Variants in GPR149 observed in about 807,000 individuals in gnomAD.
The protein encoded by GPR149 is probable G protein-coupled receptor 149.
GPR149 carries 50 observed loss-of-function variants against 50.2 expected under a neutral mutation model. The observed-to-expected ratio is 1.00, with a 90% CI of 0.79 to 1.26. GPR149 has a LOEUF of 1.26. GPR149 is among the 50% of genes most tolerant of loss of function. GPR149 has a pLI of 0.00. For synonymous variants in GPR149, 405 were observed against 358.2 expected, an observed-to-expected ratio of 1.13 and a Z score of -1.48; for missense variants, 983 against 895.4, an observed-to-expected ratio of 1.10 and a Z score of -1.25.
Position 154,338,189 on chromosome 3 carries a change from G to T in GPR149, c.1706C>A (p.Ser569Tyr), listed in dbSNP as rs776946969. 1.3e-5 allele frequency: 21 copies of T among 1,613,988 alleles called. No individual in the cohort carries two copies. The South Asian group carries it at 2.2e-4, about 17-fold the overall frequency. ...SLHAPTGKTL[S>Y]LSTYEVSAEG... is the part of the protein sequence containing the mutation. ...TGCGCTTACCTCATAGGTAGAAAGA[G>T]ATAGGGTTTTCCCTGTAGGTGCATG... is the stretch of plus-strand genomic sequence containing the variant. Residue 569 changes from serine to tyrosine, a missense_variant, in exon 4 of 4, where the codon TCT becomes TAT. Physicochemically the swap from Ser to Tyr is moderately radical, Grantham distance 144. Transcript: ENST00000389740.
intron 3 of GPR149, among the ~76,000 whole-genome samples, chr3:154,418,579 A>G (rs1189287034): frequency 9.2e-6 from 1 of 109,020 alleles, no homozygotes; most frequent in African/African-American, 3.8e-5. Context: ...AAAACCAAAC[A>G]CTGCATATTC....
At chr3:154,379,390 T>C (rs895220976) in intron 3 of GPR149, among the ~76,000 whole-genome samples, 1 of 152,072 alleles carries the variant, frequency 6.6e-6, no homozygotes, top group Non-Finnish European at 1.5e-5. Context: ...CTTTTATAAA[T>C]TAAATGTACT....
intron 3 of GPR149, among the ~76,000 whole-genome samples, chr3:154,387,151 T>C (rs1037811209): frequency 2.0e-5 from 3 of 152,238 alleles, no homozygotes. Flanking sequence ...TTTATGCTTA[T>C]GGGTGTTGAG....
intron 3 of GPR149, among the ~76,000 whole-genome samples, chr3:154,395,290 T>C (rs1715263170): frequency 1.3e-5 from 2 of 151,792 alleles, no homozygotes; most frequent in Admixed American, 6.6e-5. Flanking sequence ...TCAAGTTTTA[T>C]CGTAATTTCT....
chr3:154,406,899 G>A (rs979493492), intron 3 of GPR149, among the ~76,000 whole-genome samples: 2 of 152,174 alleles, frequency 1.3e-5, no homozygotes, highest in African/African-American at 4.8e-5. Context: ...TATAAAGAAA[G>A]AAAAGTTTTA....
intron 3 of GPR149, among the ~76,000 whole-genome samples, chr3:154,409,744 A>G (rs1711785481): frequency 6.6e-6 from 1 of 152,188 alleles, no homozygotes; most frequent in African/African-American, 2.4e-5. Flanking sequence ...TTAAACATCC[A>G]AACCTAAGAA....
chr3:154,339,920 G>A (rs1238004465), intron 3 of GPR149, among the ~76,000 whole-genome samples: 1 of 151,286 alleles, frequency 6.6e-6, no homozygotes, highest in Non-Finnish European at 1.5e-5. Flanking sequence ...CTCCCGAGTA[G>A]CTGGGACTAC....
Position 154,429,664 on chromosome 3 carries a change from T to G in GPR149, c.-49A>C. ...CCCTTATCAATGAGTCTGATAATTTTCTCAAAAGAAAGACCGGCTGCTGCA... is the reference window on the plus strand; with the variant it reads ...CCCTTATCAATGAGTCTGATAATTTGCTCAAAAGAAAGACCGGCTGCTGCA... On this transcript the variant is annotated 5_prime_UTR_variant, in exon 1 of 4. Transcript: ENST00000389740. The G allele has an allele frequency of 6.6e-7, 1 of 1,515,998 alleles. No homozygotes were observed. Among genetic ancestry groups the G allele is most frequent in the African/African-American group, 1.4e-5 (1 of 71,992 alleles). The allele number at this position is 1,515,998 out of a possible 1,614,324, so 93.9% of individuals were successfully genotyped here. A position where few individuals can be genotyped will look rare whatever the true frequency, so the allele number is the denominator to read the frequency against.
Position 154,353,570 on chromosome 3 carries a change from A to G in GPR149, c.1624-15299T>C, listed in dbSNP as rs958972279. Reference sequence around the variant, plus strand: ...CCAAGATGTCAATACCATTTTGCATATGATTAATTTGGCTTTGATATGGTA... The same window carrying G: ...CCAAGATGTCAATACCATTTTGCATGTGATTAATTTGGCTTTGATATGGTA... On this transcript the variant is annotated intron_variant, in intron 3 of 3. Coordinates refer to ENST00000389740, the MANE Select transcript of GPR149 (RefSeq NM_001038705.3). 2.9e-6 allele frequency: 3 copies of G among 1,038,792 alleles called. No individual in the cohort carries two copies. In the African/African-American group the frequency reaches 4.7e-5, roughly 16 times the overall value. The allele number at this position is 1,038,792 out of a possible 1,614,324, so 64.3% of individuals were successfully genotyped here.
At chr3:154,365,629 C>G (rs1346362811) in intron 3 of GPR149, among the ~76,000 whole-genome samples, 2 of 152,212 alleles carry the variant, frequency 1.3e-5, no homozygotes, top group African/African-American at 4.8e-5. Context: ...ATGCACCACC[C>G]TGAACACTTT....
chr3:154,349,758 A>G (rs1714022973), intron 3 of GPR149, among the ~76,000 whole-genome samples: 1 of 152,212 alleles, frequency 6.6e-6, no homozygotes, highest in East Asian at 1.9e-4. Context: ...TTTTACCCTA[A>G]TAATCAAACT....
At chr3:154,339,768 A>G (rs939460928) in intron 3 of GPR149, among the ~76,000 whole-genome samples, 5 of 139,592 alleles carry the variant, frequency 3.6e-5, no homozygotes, top group African/African-American at 1.3e-4. Context: ...GGGTGCCTTC[A>G]TGCTCTACTT....
chr3:154,422,719 A>T (rs1477656867), intron 2 of GPR149, among the ~76,000 whole-genome samples: 1 of 151,748 alleles, frequency 6.6e-6, no homozygotes, highest in Non-Finnish European at 1.5e-5. Context: ...AACAAGAACA[A>T]GTTTGATTCA....
intron 3 of GPR149, among the ~76,000 whole-genome samples, chr3:154,356,834 T>C (rs984566729): frequency 1.7e-4 from 26 of 152,222 alleles, no homozygotes; most frequent in African/African-American, 6.0e-4. Context: ...AAAACTACTT[T>C]AAAGTTCATA....
At chr3:154,400,961 A>C in intron 3 of GPR149, among the ~76,000 whole-genome samples, 1 of 152,250 alleles carries the variant, frequency 6.6e-6, no homozygotes, top group East Asian at 1.9e-4. Context: ...CTAGACTTTT[A>C]CACTAAAATA....
Position 154,337,772 on chromosome 3 carries a change from T to C in GPR149, c.2123A>G (p.Asp708Gly), listed in dbSNP as rs773621202. 7.4e-6 allele frequency: 12 copies of C among 1,613,478 alleles called. No individual in the cohort carries two copies. The South Asian group carries it at 8.8e-5, about 12-fold the overall frequency. The change falls in exon 4 of 4, where the codon GAT becomes GGT. Residue 708 changes from aspartate to glycine, a missense_variant. Asp to Gly is a moderately conservative substitution (Grantham distance 94). Transcript: ENST00000389740. The part of the protein sequence containing the change: ...QNSKRQHQER[D>G]GYQEEIQLLN... ...CAACTGGATTTCCTCCTGGTAGCCA[T>C]CCCTCTCTTGATGCTGCCTTTTACT...
chr3:154,415,165 C>T (rs183344266), intron 3 of GPR149, among the ~76,000 whole-genome samples: 3 of 151,892 alleles, frequency 2.0e-5, no homozygotes, highest in Admixed American at 1.3e-4. Context: ...GAGATTTAAG[C>T]CACAGCTGGG....
At chr3:154,343,235 C>G (rs994687611) in intron 3 of GPR149, among the ~76,000 whole-genome samples, 10 of 152,102 alleles carry the variant, frequency 6.6e-5, no homozygotes, top group African/African-American at 2.4e-4. Context: ...GACATACAAG[C>G]ATACCTGTAT....
chr3:154,357,709 G>A (rs1289995088), intron 3 of GPR149, among the ~76,000 whole-genome samples: 9 of 152,154 alleles, frequency 5.9e-5, no homozygotes, highest in African/African-American at 9.7e-5. Flanking sequence ...AAACTAGTTC[G>A]ACCATTGTGG....
Sources: gnomAD v4.1 joint callset for allele counts (sites outside exome capture counted in the v4.1 genomes callset) on GRCh38, gnomAD v4.1.1 for gene constraint, MANE v1.5 for transcripts, NCBI Gene and HGNC (gene_info 2026-07-23, HGNC 2026-07-21) for gene names.